The following RPGRIP1 variants were observed in gnomAD, a reference collection of about 807,000 sequenced individuals.
RPGRIP1 encodes RPGR interacting protein 1.
In RPGRIP1, 128 loss-of-function variants were observed where a neutral mutation model predicts 157.9. The ratio of observed to expected loss-of-function variants is 0.81; its 90% CI spans 0.70 to 0.94. The LOEUF (loss-of-function observed/expected upper bound fraction) is 0.94, where lower values mean the gene tolerates loss of function less well. Among genes scored for constraint, RPGRIP1 ranks in the 40% least tolerant of loss-of-function variants. The pLI is 0.00. For missense variants in RPGRIP1, 1,486 were observed against 1,545.8 expected, an observed-to-expected ratio of 0.96 and a Z score of 0.65; for synonymous variants, 554 against 571.6, an observed-to-expected ratio of 0.97 and a Z score of 0.44.
rs1264096220 is a variant in RPGRIP1 at position 21,302,478 on chromosome 14, A to G, written c.491-10A>G. The G allele has an allele frequency of 2.0e-6, 3 of 1,510,142 alleles. No individual in the cohort carries two copies. The highest frequency in any genetic ancestry group is 1.4e-5 in the African/African-American group (1 of 73,176). 93.5% of individuals were successfully genotyped at this position (1,510,142 alleles called of 1,614,324 possible). On this transcript the variant is annotated splice_polypyrimidine_tract_variant and intron_variant, in intron 4 of 24. Transcript: ENST00000400017. The stretch of plus-strand genomic sequence containing the variant: ...TTGCCCGAGTCTGCATCTTCTGTCT[A>G]AACTTTTAGGGCCAAGGGACAGGCT...
intron 14 of RPGRIP1, among the ~76,000 whole-genome samples, chr14:21,323,408 C>T (rs532437685): frequency 4.5e-4 from 68 of 150,292 alleles, no homozygotes; most frequent in Non-Finnish European, 8.0e-4. Flanking sequence ...GCAACAAGAG[C>T]GAAACTCTGT....
intron 1 of RPGRIP1, among the ~76,000 whole-genome samples, chr14:21,287,332 G>A (rs1264246944): frequency 2.6e-5 from 4 of 152,316 alleles, no homozygotes; most frequent in South Asian, 2.1e-4. Flanking sequence ...GCCAGAGTAT[G>A]AGGCAACTCT....
chr14:21,284,744 G>A (rs928679686), intron 1 of RPGRIP1, among the ~76,000 whole-genome samples: 3 of 151,830 alleles, frequency 2.0e-5, no homozygotes, highest in African/African-American at 7.3e-5. Flanking sequence ...TAGAGACAGG[G>A]TTTCACCATG....
At chr14:21,306,399 C>T (rs1326137801) in intron 6 of RPGRIP1, among the ~76,000 whole-genome samples, 1 of 151,518 alleles carries the variant, frequency 6.6e-6, no homozygotes, top group Non-Finnish European at 1.5e-5. Context: ...TCCCAAAGTG[C>T]TGGGATTACA....
chr14:21,287,897 C>T lies in RPGRIP1; in HGVS notation c.-38-42C>T, dbSNP rs1460888354. On this transcript the variant is annotated intron_variant, in intron 1 of 24. Coordinates refer to ENST00000400017, the MANE Select transcript of RPGRIP1 (RefSeq NM_020366.4). ...TTATGTACACGTTTCAGAAGACATC[C>T]TAAAGTTGCATGTAACTGACTGGAC... is the stretch of plus-strand genomic sequence containing the variant. 12 of 889,056 alleles carry T rather than the reference C, an allele frequency of 1.3e-5. No individual in the cohort carries two copies. The East Asian group carries it at 2.4e-4, about 18-fold the overall frequency. 55.1% of individuals were successfully genotyped at this position (889,056 alleles called of 1,614,324 possible). A position where few individuals can be genotyped will look rare whatever the true frequency, so the allele number is the denominator to read the frequency against.
chr14:21,306,425 G>GC (rs1001585610), intron 6 of RPGRIP1, among the ~76,000 whole-genome samples: 1 of 151,004 alleles, frequency 6.6e-6, no homozygotes, highest in Admixed American at 6.6e-5. Context: ...GAGCCCCTGC[G>GC]CCCAGCCTAA....
intron 6 of RPGRIP1, among the ~76,000 whole-genome samples, chr14:21,304,393 AAGAAAGAAAG>A (rs754099203): frequency 0.063 from 3,802 of 59,910 alleles, 72 homozygotes; most frequent in Non-Finnish European, 0.075. Flanking sequence ...GAGAGAGAGA[AAGAAAGAAAG>A]AAAGAAAGAA....
intron 24 of RPGRIP1, 98 bp downstream of exon 24, chr14:21,348,400 A>G (rs927357883): frequency 1.1e-6 from 1 of 944,842 alleles, no homozygotes; most frequent in Non-Finnish European, 1.5e-6. Context: ...TATGAAGTTG[A>G]TAAGACACAA....
intron 3 of RPGRIP1, among the ~76,000 whole-genome samples, chr14:21,295,971 C>T (rs1250840943): frequency 6.6e-6 from 1 of 151,114 alleles, no homozygotes. Flanking sequence ...AACCTCGCTC[C>T]GTTGCCCAAG....
intron 1 of RPGRIP1, among the ~76,000 whole-genome samples, chr14:21,282,659 G>C (rs1431092266): frequency 6.9e-6 from 1 of 144,202 alleles, no homozygotes; most frequent in East Asian, 2.0e-4. Flanking sequence ...TCCCAGGCTG[G>C]AGTGCAGTGG....
At chr14:21,309,157 C>G (rs2139171367) in intron 7 of RPGRIP1, among the ~76,000 whole-genome samples, 1 of 152,304 alleles carries the variant, frequency 6.6e-6, no homozygotes, top group South Asian at 2.1e-4. Context: ...TCCAAGGACC[C>G]CTTTTCCTCT....
chr14:21,333,183 G>A (rs978531784), intron 20 of RPGRIP1, among the ~76,000 whole-genome samples: 1 of 152,214 alleles, frequency 6.6e-6, no homozygotes, highest in African/African-American at 2.4e-5. Flanking sequence ...AGATGTCTGA[G>A]TGGAGCTATC....
intron 11 of RPGRIP1, among the ~76,000 whole-genome samples, chr14:21,319,657 C>G (rs757502090): frequency 6.6e-6 from 1 of 152,086 alleles, no homozygotes; most frequent in Non-Finnish European, 1.5e-5. Context: ...GAGCTAGTAA[C>G]CTAGAAGTCA....
At chr14:21,283,068 A>G (rs1880188356) in intron 1 of RPGRIP1, among the ~76,000 whole-genome samples, 1 of 152,252 alleles carries the variant, frequency 6.6e-6, no homozygotes, top group African/African-American at 2.4e-5. Context: ...ATACTTTTCA[A>G]TTGCTCCATA....
chr14:21,296,809 G>T (rs1880802278), intron 3 of RPGRIP1, among the ~76,000 whole-genome samples: 1 of 151,808 alleles, frequency 6.6e-6, no homozygotes, highest in African/African-American at 2.4e-5. Flanking sequence ...ACAAAAATTA[G>T]CTGGGCGTGG....
intron 23 of RPGRIP1, among the ~76,000 whole-genome samples, chr14:21,346,278 A>G (rs1283022938): frequency 3.3e-5 from 5 of 151,894 alleles, no homozygotes; most frequent in African/African-American, 1.2e-4. Flanking sequence ...GGTCGGGTGC[A>G]GTGGCTCACA....
chr14:21,290,468 G>A (rs1017691896), intron 2 of RPGRIP1, among the ~76,000 whole-genome samples: 4 of 152,166 alleles, frequency 2.6e-5, no homozygotes, highest in South Asian at 2.1e-4. Context: ...GAGGTCAGGA[G>A]TTCAAGACTA....
chr14:21,334,498 A>G (rs938704252), intron 20 of RPGRIP1, 107 bp from the exon 21 acceptor site: 4 of 771,060 alleles, frequency 5.2e-6, no homozygotes, highest in Non-Finnish European at 6.8e-6. Context: ...AAATCTAGAC[A>G]CTCGGAACTA....
At chr14:21,330,450 C>T (rs941146276) in intron 20 of RPGRIP1, 63 bp downstream of exon 20, 125 of 1,186,126 alleles carry the variant, frequency 1.1e-4, no homozygotes, top group Non-Finnish European at 1.3e-4. Context: ...GGGCAGATCA[C>T]GAGATCAGGC....
Sources: allele counts gnomAD v4.1 joint callset (sites outside exome capture counted in the v4.1 genomes callset), GRCh38; gene constraint gnomAD v4.1.1; transcripts MANE v1.5; gene names NCBI Gene and HGNC (gene_info 2026-07-23, HGNC 2026-07-21).